Variants in NFIB observed in about 807,000 individuals in gnomAD.
NFIB encodes the protein nuclear factor I B.
Under a neutral mutation model 61.5 loss-of-function variants are expected in NFIB, and 11 were observed. The observed-to-expected ratio is 0.18, with a 90% CI of 0.11 to 0.30. The LOEUF is 0.30. Ranked by LOEUF, NFIB falls within the 10% of genes least tolerant of loss-of-function variation. NFIB has a pLI of 1.00. For synonymous variants in NFIB, 260 were observed against 216.5 expected (o/e 1.20, Z -1.76); for missense variants, 471 against 608.9 (o/e 0.77, Z 2.38).
At chr9:14,460,319 G>C in the NFIB span, among the ~76,000 whole-genome samples, 12 of 151,306 alleles carry the variant, frequency 7.9e-5, no homozygotes, top group African/African-American at 2.9e-4. Flanking sequence ...ATTGAACAAT[G>C]AGAACACTTG....
At chr9:14,474,563 A>C in the NFIB span, among the ~76,000 whole-genome samples, 1 of 152,232 alleles carries the variant, frequency 6.6e-6, no homozygotes, top group Non-Finnish European at 1.5e-5. Flanking sequence ...ATCAACCTTA[A>C]AATCTAAGTC....
chr9:14,100,269 T>G (rs902530690), intron 10 of NFIB, among the ~76,000 whole-genome samples: 4 of 152,132 alleles, frequency 2.6e-5, no homozygotes, highest in Admixed American at 6.5e-5. Flanking sequence ...CCACATCAAT[T>G]TTTCACCAGG....
At chr9:14,340,825 C>T (rs1367326808) in intron 1 of NFIB, among the ~76,000 whole-genome samples, 1 of 151,932 alleles carries the variant, frequency 6.6e-6, no homozygotes, top group African/African-American at 2.4e-5. Context: ...GGCTACCTCT[C>T]AGGTGGTCCG....
intron 2 of NFIB, chr9:14,306,084 T>A (rs933376094): frequency 5.0e-6 from 3 of 600,486 alleles, no homozygotes; most frequent in African/African-American, 1.9e-5. Flanking sequence ...AAATATTCAG[T>A]AATAACATCA....
At chr9:14,274,080 G>C (rs1341401450) in intron 2 of NFIB, among the ~76,000 whole-genome samples, 1 of 152,162 alleles carries the variant, frequency 6.6e-6, no homozygotes, top group Non-Finnish European at 1.5e-5. Flanking sequence ...TGTAAATGGT[G>C]AATGCTTCTC....
chr9:14,225,876 G>A (rs905056056), intron 2 of NFIB, among the ~76,000 whole-genome samples: 2 of 151,990 alleles, frequency 1.3e-5, no homozygotes, highest in African/African-American at 2.4e-5. Context: ...ATAACATTTT[G>A]TCATTCTGAT....
chr9:14,480,227 T>C, the NFIB span, among the ~76,000 whole-genome samples: 2 of 152,084 alleles, frequency 1.3e-5, no homozygotes, highest in Non-Finnish European at 2.9e-5. Flanking sequence ...AATGAGAGTT[T>C]CAGTACCTTG....
At chr9:14,182,659 C>T (rs141484663) in intron 2 of NFIB, among the ~76,000 whole-genome samples, 3 of 142,402 alleles carry the variant, frequency 2.1e-5, no homozygotes, top group East Asian at 2.1e-4. Context: ...TAACCACTTC[C>T]ATCACTTTGC....
chr9:14,477,920 TTCCA>T, the NFIB span, among the ~76,000 whole-genome samples: 1 of 152,202 alleles, frequency 6.6e-6, no homozygotes, highest in Non-Finnish European at 1.5e-5. Flanking sequence ...GGCTGATGTC[TTCCA>T]GACCCATAAG....
the NFIB span, among the ~76,000 whole-genome samples, chr9:14,449,189 C>T: frequency 1.3e-5 from 2 of 152,164 alleles, no homozygotes; most frequent in Non-Finnish European, 2.9e-5. Flanking sequence ...AAAGTTGCTT[C>T]AATGTTCAGA....
chr9:14,430,062 C>T, the NFIB span, among the ~76,000 whole-genome samples: 1 of 152,010 alleles, frequency 6.6e-6, no homozygotes, highest in Non-Finnish European at 1.5e-5. Context: ...AAACCCTTTC[C>T]AATTCAATAG....
chr9:14,525,533 A>T, the NFIB span, among the ~76,000 whole-genome samples: 11 of 152,264 alleles, frequency 7.2e-5, no homozygotes, highest in South Asian at 6.2e-4. Flanking sequence ...CTTCCAAAGT[A>T]CCAGGCAAAC....
intron 2 of NFIB, among the ~76,000 whole-genome samples, chr9:14,234,881 T>G (rs939572190): frequency 8.6e-5 from 13 of 151,128 alleles, no homozygotes; most frequent in Middle Eastern, 3.2e-3. Flanking sequence ...AGAATAACAA[T>G]AGTGAGGTGA....
the NFIB span, among the ~76,000 whole-genome samples, chr9:14,492,629 CTCTATCAGGAGAATA>C: frequency 6.6e-6 from 1 of 152,146 alleles, no homozygotes; most frequent in East Asian, 1.9e-4. Context: ...CTCACGGGAA[CTCTATCAGGAGAATA>C]TCACCAAAGG....
intron 10 of NFIB, among the ~76,000 whole-genome samples, chr9:14,105,439 C>T (rs1421966621): frequency 1.3e-5 from 2 of 152,082 alleles, no homozygotes; most frequent in African/African-American, 4.8e-5. Context: ...TTGTGCACTA[C>T]CATTACAACA....
chr9:14,472,263 T>A, the NFIB span, among the ~76,000 whole-genome samples: 12 of 152,320 alleles, frequency 7.9e-5, no homozygotes, highest in Non-Finnish European at 1.6e-4. Context: ...ACTCCCAGAC[T>A]AGGTCCAAGT....
At chr9:14,199,336 A>C (rs1295519983) in intron 2 of NFIB, among the ~76,000 whole-genome samples, 1 of 152,132 alleles carries the variant, frequency 6.6e-6, no homozygotes, top group Admixed American at 6.5e-5. Flanking sequence ...AGGGTGAACC[A>C]CCTCATCCCT....
chr9:14,508,719 A>T, the NFIB span, among the ~76,000 whole-genome samples: 1 of 152,114 alleles, frequency 6.6e-6, no homozygotes, highest in Non-Finnish European at 1.5e-5. Flanking sequence ...TTACTCCTAC[A>T]CGTTGGTTTT....
chr9:14,347,509 C>T (rs1287629538), intron 1 of NFIB, among the ~76,000 whole-genome samples: 1 of 152,094 alleles, frequency 6.6e-6, no homozygotes, highest in African/African-American at 2.4e-5. Flanking sequence ...TTAGGTAGCG[C>T]AGTTAGTGGC....
Sources: gnomAD v4.1 joint callset for allele counts (sites outside exome capture counted in the v4.1 genomes callset) on GRCh38, gnomAD v4.1.1 for gene constraint, MANE v1.5 for transcripts, NCBI Gene and HGNC (gene_info 2026-07-23, HGNC 2026-07-21) for gene names.